The following THSD7B variants were observed in gnomAD, a reference collection of about 807,000 sequenced individuals.
The protein encoded by THSD7B is thrombospondin type 1 domain containing 7B, also known as thrombospondin type-1 domain-containing protein 7B.
Under a neutral mutation model 213.6 loss-of-function variants are expected in THSD7B, and 138 were observed. The observed-to-expected ratio is 0.65, with a 90% CI of 0.56 to 0.74. The LOEUF (loss-of-function observed/expected upper bound fraction) is 0.74. Among genes scored for constraint, THSD7B ranks in the 30% least tolerant of loss-of-function variants. The probability of loss-of-function intolerance (pLI) is 0.00; values close to 1 mark genes in which losing one functional copy is unlikely to be tolerated. For synonymous variants in THSD7B, 742 were observed against 687.0 expected, an observed-to-expected ratio of 1.08 and a Z score of -1.25; for missense variants, 1,931 against 1,991.5, an observed-to-expected ratio of 0.97 and a Z score of 0.58.
At chr2:137,071,935 T>C (rs1687496989) in intron 3 of THSD7B, among the ~76,000 whole-genome samples, 1 of 152,208 alleles carries the variant, frequency 6.6e-6, no homozygotes, top group African/African-American at 2.4e-5. Flanking sequence ...CGGCATTATT[T>C]CTGAGGGCTC....
intron 12 of THSD7B, among the ~76,000 whole-genome samples, chr2:137,285,421 G>A (rs1456392902): frequency 6.6e-6 from 1 of 152,028 alleles, no homozygotes; most frequent in African/African-American, 2.4e-5. Flanking sequence ...GTATTGTTAT[G>A]TGTGAATTTG....
At chr2:137,065,654 C>T (rs1687360947) in intron 3 of THSD7B, among the ~76,000 whole-genome samples, 1 of 149,470 alleles carries the variant, frequency 6.7e-6, no homozygotes. Flanking sequence ...TTTAATGGAA[C>T]ATTTTATGTT....
intron 12 of THSD7B, among the ~76,000 whole-genome samples, chr2:137,378,650 A>G (rs1267299916): frequency 6.6e-6 from 1 of 152,134 alleles, no homozygotes; most frequent in Admixed American, 6.5e-5. Context: ...TTCACCGCTC[A>G]TTCTTGAAAG....
chr2:136,768,740 G>T (rs4387857), intron 1 of THSD7B, among the ~76,000 whole-genome samples: 1 of 152,178 alleles, frequency 6.6e-6, no homozygotes, highest in Non-Finnish European at 1.5e-5. Flanking sequence ...GAGTTACTTA[G>T]ATATGCTGTT....
intron 1 of THSD7B, among the ~76,000 whole-genome samples, chr2:136,813,544 A>G (rs934526221): frequency 2.9e-4 from 44 of 152,290 alleles, no homozygotes; most frequent in African/African-American, 1.0e-3. Context: ...TTTAACTCCT[A>G]ATTTGAAGTT....
At chr2:137,106,519 G>C (rs1302844099) in intron 4 of THSD7B, among the ~76,000 whole-genome samples, 1 of 152,182 alleles carries the variant, frequency 6.6e-6, no homozygotes. Context: ...CAAAAGCAAT[G>C]GCAGCAAAAG....
At chr2:137,261,405 A>G (rs1220063196) in intron 10 of THSD7B, among the ~76,000 whole-genome samples, 1 of 152,144 alleles carries the variant, frequency 6.6e-6, no homozygotes, top group Non-Finnish European at 1.5e-5. Context: ...CTAGATGCCA[A>G]ACCCTGAACT....
At chr2:137,147,888 C>T (rs529214697) in intron 5 of THSD7B, among the ~76,000 whole-genome samples, 59 of 152,250 alleles carry the variant, frequency 3.9e-4, no homozygotes, top group South Asian at 2.1e-4. Context: ...CATCCTTCTC[C>T]CTTCAAATTC....
chr2:136,768,068 G>C (rs917399044), intron 1 of THSD7B, among the ~76,000 whole-genome samples: 7 of 152,096 alleles, frequency 4.6e-5, no homozygotes, highest in Admixed American at 1.3e-4. Flanking sequence ...AATTGGTAAC[G>C]AGAGGTACCT....
At chr2:137,003,534 G>A (rs981388427) in intron 2 of THSD7B, among the ~76,000 whole-genome samples, 10 of 152,276 alleles carry the variant, frequency 6.6e-5, no homozygotes, top group Admixed American at 5.2e-4. Context: ...GAAGTATAAT[G>A]TAAGATTATT....
At chr2:137,287,690 C>T (rs1683218000) in intron 12 of THSD7B, among the ~76,000 whole-genome samples, 1 of 152,100 alleles carries the variant, frequency 6.6e-6, no homozygotes, top group South Asian at 2.1e-4. Context: ...ATAAAAAGAA[C>T]AGAGTAACCC....
At chr2:136,992,030 G>A (rs1157068031) in intron 2 of THSD7B, among the ~76,000 whole-genome samples, 9 of 152,114 alleles carry the variant, frequency 5.9e-5, no homozygotes, top group African/African-American at 1.4e-4. Flanking sequence ...ACAAAGTCAC[G>A]TTCATGAAAA....
At chr2:137,439,282 G>C (rs535299860) in intron 14 of THSD7B, among the ~76,000 whole-genome samples, 1 of 152,004 alleles carries the variant, frequency 6.6e-6, no homozygotes, top group African/African-American at 2.4e-5. Context: ...GGAATATTTT[G>C]GTTGCTTTTG....
intron 1 of THSD7B, among the ~76,000 whole-genome samples, chr2:136,843,351 A>C (rs1041831066): frequency 1.3e-5 from 2 of 152,170 alleles, no homozygotes; most frequent in East Asian, 3.8e-4. Flanking sequence ...CTCTCTGATG[A>C]TACTTATATT....
At chr2:137,514,160 G>A (rs1189778845) in intron 15 of THSD7B, among the ~76,000 whole-genome samples, 1 of 152,180 alleles carries the variant, frequency 6.6e-6, no homozygotes, top group Non-Finnish European at 1.5e-5. Context: ...TTAATACTGA[G>A]TGTCAACTTG....
intron 5 of THSD7B, among the ~76,000 whole-genome samples, chr2:137,132,745 G>A (rs545697103): frequency 2.0e-5 from 3 of 152,236 alleles, no homozygotes; most frequent in South Asian, 2.1e-4. Context: ...TCTAGAGTGC[G>A]GTTTCAGGTT....
At chr2:136,895,751 A>T (rs1683947911) in intron 2 of THSD7B, among the ~76,000 whole-genome samples, 1 of 152,104 alleles carries the variant, frequency 6.6e-6, no homozygotes, top group South Asian at 2.1e-4. Context: ...AAAATCCTGC[A>T]TGCCCATTTA....
intron 6 of THSD7B, among the ~76,000 whole-genome samples, chr2:137,169,051 C>G (rs1003722145): frequency 6.6e-6 from 1 of 151,494 alleles, no homozygotes; most frequent in Admixed American, 6.6e-5. Context: ...CTGATCTTAA[C>G]CATGTCAATG....
intron 2 of THSD7B, among the ~76,000 whole-genome samples, chr2:136,979,879 AT>A (rs201873408): frequency 2.6e-5 from 4 of 151,168 alleles, no homozygotes; most frequent in African/African-American, 9.7e-5. Context: ...GTTTGCATTG[AT>A]TTTTTTTCTC....
Sources: gnomAD v4.1 joint callset for allele counts (sites outside exome capture counted in the v4.1 genomes callset) on GRCh38, gnomAD v4.1.1 for gene constraint, MANE v1.5 for transcripts, NCBI Gene and HGNC (gene_info 2026-07-23, HGNC 2026-07-21) for gene names.